P4HA1: variants seen among roughly 807,000 people sequenced by gnomAD.
P4HA1 encodes prolyl 4-hydroxylase subunit alpha-1.
P4HA1 carries 24 observed loss-of-function variants against 72.8 expected under a neutral mutation model. That is an observed-to-expected ratio of 0.33 (90% CI 0.24 to 0.46). The LOEUF (loss-of-function observed/expected upper bound fraction) is 0.46. Among genes scored for constraint, P4HA1 ranks in the 20% least tolerant of loss-of-function variants. P4HA1 has a pLI of 1.00. For missense variants in P4HA1, 446 were observed against 640.6 expected, an observed-to-expected ratio of 0.70 and a Z score of 3.28; for synonymous variants, 201 against 218.8, an observed-to-expected ratio of 0.92 and a Z score of 0.72.
intron 10 of P4HA1, among the ~76,000 whole-genome samples, chr10:73,028,010 A>G (rs1840331967): frequency 6.6e-6 from 1 of 152,140 alleles, no homozygotes; most frequent in South Asian, 2.1e-4. Flanking sequence ...ACATGTATCA[A>G]AAATGTTGTT....
chr10:73,013,934 TAC>T (rs1839962162), intron 12 of P4HA1, among the ~76,000 whole-genome samples: 1 of 152,174 alleles, frequency 6.6e-6, no homozygotes, highest in African/African-American at 2.4e-5. Flanking sequence ...GATTTTTATA[TAC>T]ACATATTATA....
intron 1 of P4HA1, among the ~76,000 whole-genome samples, chr10:73,076,543 C>T (rs1841701774): frequency 6.6e-6 from 1 of 151,914 alleles, no homozygotes; most frequent in Non-Finnish European, 1.5e-5. Context: ...TTAAACCTGG[C>T]AGCAAAGCCC....
chr10:73,023,011 A>G (rs922947520), intron 10 of P4HA1, among the ~76,000 whole-genome samples: 1 of 152,244 alleles, frequency 6.6e-6, no homozygotes, highest in Non-Finnish European at 1.5e-5. Context: ...GACCAAATCT[A>G]TGTTTGATTG....
Position 73,030,268 on chromosome 10 carries a change from T to C in P4HA1, c.1248+3A>G. 1.4e-6 allele frequency: 2 copies of C among 1,446,914 alleles called. No individual in the cohort carries two copies. Among genetic ancestry groups the C allele is most frequent in the Admixed American group, 1.8e-5 (1 of 54,882 alleles). 89.6% of individuals were successfully genotyped at this position (1,446,914 alleles called of 1,614,324 possible). ...ATGACTTAAGGATAATGTGATTACC[T>C]ACCTGTAATTCCTCTGCTGTGGAAA... On this transcript the variant is annotated splice_donor_region_variant and intron_variant, in intron 10 of 14. Coordinates refer to ENST00000394890, the MANE Select transcript of P4HA1 (RefSeq NM_001017962.3).
chr10:73,008,283 T>A lies in P4HA1; in HGVS notation c.1544A>T (p.Lys515Ile). 6.3e-7 allele frequency: 1 copy of A among 1,584,308 alleles called. No individual in the cohort carries two copies. The highest frequency in any genetic ancestry group is 1.1e-5 in the South Asian group (1 of 90,164). ...VLVGNKWVSN[K>I]WLHERGQEFR... is the part of the protein sequence containing the mutation. Reference sequence around the variant, plus strand: ...TTCTTGTCCACGTTCATGGAGCCATTTATTGGATACTGTGAGAGAAAAGTA... The same window carrying A: ...TTCTTGTCCACGTTCATGGAGCCATATATTGGATACTGTGAGAGAAAAGTA... Residue 515 changes from lysine (K) to isoleucine (I), a missense_variant, in exon 15 of 15, where the codon AAA becomes ATA. Physicochemically the swap from Lys to Ile is moderately radical, Grantham distance 102. Coordinates refer to ENST00000394890, the MANE Select transcript of P4HA1 (RefSeq NM_001017962.3).
At chr10:73,012,606 G>A (rs1839930207) in intron 12 of P4HA1, among the ~76,000 whole-genome samples, 1 of 146,702 alleles carries the variant, frequency 6.8e-6, no homozygotes, top group Admixed American at 6.6e-5. Context: ...GAAGGAGATA[G>A]GGAAGAAGGG....
chr10:73,058,929 C>G (rs967518265), intron 5 of P4HA1, among the ~76,000 whole-genome samples: 1 of 152,004 alleles, frequency 6.6e-6, no homozygotes, highest in East Asian at 1.9e-4. Flanking sequence ...AGGTGCCCAC[C>G]ACCACGCTCA....
intron 5 of P4HA1, among the ~76,000 whole-genome samples, chr10:73,058,998 A>C (rs1312425078): frequency 6.6e-6 from 1 of 151,854 alleles, no homozygotes; most frequent in African/African-American, 2.4e-5. Context: ...GGCTGGTCTC[A>C]AACTCCTGAC....
chr10:73,095,240 A>G (rs1842137590), intron 1 of P4HA1, among the ~76,000 whole-genome samples: 1 of 151,268 alleles, frequency 6.6e-6, no homozygotes, highest in African/African-American at 2.4e-5. Flanking sequence ...AAAAAAAAAA[A>G]AAAAAAAAAA....
chr10:73,026,377 C>G (rs546232723), intron 10 of P4HA1, among the ~76,000 whole-genome samples: 1 of 151,976 alleles, frequency 6.6e-6, no homozygotes, highest in African/African-American at 2.4e-5. Context: ...ATTTAATAAA[C>G]GGTGCTGGGA....
chr10:73,049,319 T>C (rs1840956849), intron 7 of P4HA1, among the ~76,000 whole-genome samples: 1 of 152,142 alleles, frequency 6.6e-6, no homozygotes, highest in Non-Finnish European at 1.5e-5. Context: ...TTACCAGTAG[T>C]AAAGAAAATG....
chr10:73,091,496 G>A (rs1478099860), intron 1 of P4HA1, among the ~76,000 whole-genome samples: 1 of 152,066 alleles, frequency 6.6e-6, no homozygotes, highest in African/African-American at 2.4e-5. Flanking sequence ...TCATATTTTT[G>A]GAGAAATTAG....
intron 9 of P4HA1, among the ~76,000 whole-genome samples, chr10:73,037,143 C>T (rs1223468922): frequency 6.6e-6 from 1 of 151,882 alleles, no homozygotes; most frequent in Non-Finnish European, 1.5e-5. Flanking sequence ...GAAAAAAGAA[C>T]TATTTCTTCA....
At position 73,037,550 on chromosome 10, in the gene P4HA1, TATATATA is replaced by T. The variant is rs1564624840; in HGVS notation, c.1149-7187_1149-7181del. Reference sequence around the variant, plus strand: ...CTATATATATATATATATATATATATATATATATATATATATATATATTTTTTTTTTT... The same window carrying T: ...CTATATATATATATATATATATATATTATATATATATATATTTTTTTTTTT... On this transcript the variant is annotated intron_variant, in intron 9 of 14. Coordinates refer to ENST00000394890, the MANE Select transcript of P4HA1 (RefSeq NM_001017962.3). Among the ~76,000 whole-genome samples the T allele has an allele frequency of 9.9e-4, 30 of 30,450 alleles. 1 individual carries two copies. Among genetic ancestry groups the T allele is most frequent in the African/African-American group, 3.9e-3 (30 of 7,744 alleles). 20.0% of individuals were successfully genotyped at this position (30,450 alleles called of 152,430 possible).
intron 10 of P4HA1, among the ~76,000 whole-genome samples, chr10:73,025,781 C>T (rs1316392867): frequency 6.6e-6 from 1 of 152,170 alleles, no homozygotes; most frequent in East Asian, 1.9e-4. Flanking sequence ...GATACAAAAT[C>T]AATGTGCAAA....
intron 7 of P4HA1, among the ~76,000 whole-genome samples, chr10:73,049,644 A>G (rs1406704132): frequency 6.6e-6 from 1 of 152,216 alleles, no homozygotes; most frequent in Non-Finnish European, 1.5e-5. Context: ...TCTGAGTTAT[A>G]AATACATATA....
intron 1 of P4HA1, among the ~76,000 whole-genome samples, chr10:73,085,487 G>A (rs995376003): frequency 1.3e-5 from 2 of 151,848 alleles, no homozygotes; most frequent in African/African-American, 4.8e-5. Context: ...GGGTTCAAGC[G>A]ATTCTCCTGC....
intron 1 of P4HA1, among the ~76,000 whole-genome samples, chr10:73,076,513 C>G (rs1841701075): frequency 6.6e-6 from 1 of 152,224 alleles, no homozygotes; most frequent in South Asian, 2.1e-4. Context: ...TAAGACATGT[C>G]TATGGCCTCT....
At chr10:73,084,127 A>G (rs1841877902) in intron 1 of P4HA1, among the ~76,000 whole-genome samples, 1 of 152,260 alleles carries the variant, frequency 6.6e-6, no homozygotes, top group Admixed American at 6.5e-5. Flanking sequence ...GATTTAAACA[A>G]GAAGTTCTGA....
Sources: allele counts gnomAD v4.1 joint callset (sites outside exome capture counted in the v4.1 genomes callset), GRCh38; gene constraint gnomAD v4.1.1; transcripts MANE v1.5; gene names NCBI Gene and HGNC (gene_info 2026-07-23, HGNC 2026-07-21).